Variants in SLC30A8 observed in about 807,000 individuals in gnomAD.
The protein encoded by SLC30A8 is solute carrier family 30 member 8, also known as proton-coupled zinc antiporter SLC30A8.
SLC30A8 carries 27 observed loss-of-function variants against 36.9 expected under a neutral mutation model. That is an observed-to-expected ratio of 0.73 (90% CI 0.54 to 1.01). The LOEUF (loss-of-function observed/expected upper bound fraction) is 1.01. SLC30A8 is among the 50% of genes least tolerant of loss of function. The probability of loss-of-function intolerance (pLI) is 0.00; values close to 1 mark genes in which losing one functional copy is unlikely to be tolerated. For synonymous variants in SLC30A8, 164 were observed against 172.4 expected, an observed-to-expected ratio of 0.95 and a Z score of 0.38; for missense variants, 439 against 452.0, an observed-to-expected ratio of 0.97 and a Z score of 0.26.
At chr8:117,086,408 A>G (rs2079462828) in intron 2 of SLC30A8, among the ~76,000 whole-genome samples, 1 of 152,190 alleles carries the variant, frequency 6.6e-6, no homozygotes, top group African/African-American at 2.4e-5. Context: ...AGCATGCTTA[A>G]TTTGACTTCC....
At chr8:117,156,968 G>A (rs970091322) in intron 3 of SLC30A8, among the ~76,000 whole-genome samples, 16 of 152,152 alleles carry the variant, frequency 1.1e-4, no homozygotes, top group Non-Finnish European at 2.2e-4. Flanking sequence ...ACCTTTCTGG[G>A]TTTTTAGAAT....
chr8:117,035,876 C>T (rs1375292578), intron 1 of SLC30A8, among the ~76,000 whole-genome samples: 1 of 152,206 alleles, frequency 6.6e-6, no homozygotes, highest in Non-Finnish European at 1.5e-5. Flanking sequence ...CCTTTAGCCA[C>T]AGCTGGAGCT....
chr8:117,130,043 C>G (rs1444925641), upstream of SLC30A8: 1 of 151,890 alleles, frequency 6.6e-6, no homozygotes, highest in Non-Finnish European at 1.5e-5. Context: ...ATTAAAATAA[C>G]TCATCTCCTG....
intron 2 of SLC30A8, among the ~76,000 whole-genome samples, chr8:117,151,490 G>GGATGGCTCTTATAAGTAGCTCT: frequency 6.6e-6 from 1 of 152,198 alleles, no homozygotes; most frequent in East Asian, 1.9e-4. Flanking sequence ...GCAGTTTTCT[G>GGATGGCTCTTATAAGTAGCTCT]GATGGCTCTT....
At chr8:117,085,430 G>A (rs1381186563) in intron 2 of SLC30A8, among the ~76,000 whole-genome samples, 1 of 152,068 alleles carries the variant, frequency 6.6e-6, no homozygotes, top group African/African-American at 2.4e-5. Flanking sequence ...CATTGTTGAT[G>A]TCTACACTAA....
At chr8:116,986,270 T>C (rs1426559565) in intron 1 of SLC30A8, among the ~76,000 whole-genome samples, 1 of 152,012 alleles carries the variant, frequency 6.6e-6, no homozygotes, top group Non-Finnish European at 1.5e-5. Context: ...GGCATTGGCC[T>C]GAGCACTGGG....
At chr8:117,106,006 C>CT (rs975195602) in intron 2 of SLC30A8, among the ~76,000 whole-genome samples, 1 of 151,976 alleles carries the variant, frequency 6.6e-6, no homozygotes, top group Middle Eastern at 3.2e-3. Context: ...CTTTGTCAGA[C>CT]TTTTTTTTCA....
At chr8:117,015,543 C>T (rs1267554538) in intron 1 of SLC30A8, among the ~76,000 whole-genome samples, 2 of 151,892 alleles carry the variant, frequency 1.3e-5, no homozygotes, top group Non-Finnish European at 2.9e-5. Flanking sequence ...TGCACCCCCC[C>T]CCCCCAAAAA....
chr8:117,088,660 C>T (rs1158436841), intron 2 of SLC30A8, among the ~76,000 whole-genome samples: 1 of 152,170 alleles, frequency 6.6e-6, no homozygotes. Flanking sequence ...CCTGAAAAGA[C>T]AATTAAAAAA....
chr8:117,047,185 G>A (rs150181412), intron 2 of SLC30A8, among the ~76,000 whole-genome samples: 50 of 152,286 alleles, frequency 3.3e-4, no homozygotes, highest in African/African-American at 1.1e-3. Context: ...GATGGGTAAT[G>A]TAGTCATGTC....
intron 2 of SLC30A8, among the ~76,000 whole-genome samples, chr8:117,113,805 G>A (rs76727531): frequency 0.027 from 4,172 of 152,152 alleles, 127 homozygotes; most frequent in African/African-American, 0.068. Context: ...CTTGGTTCCC[G>A]CCCTCAAGTG....
chr8:116,997,774 C>T (rs917993709), intron 1 of SLC30A8, among the ~76,000 whole-genome samples: 2 of 152,160 alleles, frequency 1.3e-5, no homozygotes, highest in African/African-American at 4.8e-5. Context: ...ATTGGAGTTG[C>T]TCCAGTCGTT....
chr8:116,965,301 C>T (rs1051518199), intron 1 of SLC30A8, among the ~76,000 whole-genome samples: 2 of 152,112 alleles, frequency 1.3e-5, no homozygotes, highest in African/African-American at 2.4e-5. Context: ...AAGTAATCAG[C>T]AAAGCTAAAA....
intron 1 of SLC30A8, among the ~76,000 whole-genome samples, chr8:117,015,199 A>G (rs1460009828): frequency 6.6e-6 from 1 of 151,956 alleles, no homozygotes; most frequent in African/African-American, 2.4e-5. Flanking sequence ...GTTCCCCGCT[A>G]TCTGACTTTC....
intron 1 of SLC30A8, among the ~76,000 whole-genome samples, chr8:116,976,234 TTC>T (rs375121122): frequency 0.083 from 12,358 of 148,702 alleles, 617 homozygotes; most frequent in South Asian, 0.18. Flanking sequence ...AGCTGGTAAG[TTC>T]TCTCTCTTTT....
chr8:117,098,976 T>C (rs1819591608), intron 2 of SLC30A8, among the ~76,000 whole-genome samples: 1 of 152,086 alleles, frequency 6.6e-6, no homozygotes. Flanking sequence ...AGAGGTTTAG[T>C]GGAAAATGAT....
intron 3 of SLC30A8, among the ~76,000 whole-genome samples, chr8:117,155,578 A>C (rs1294870826): frequency 6.6e-6 from 1 of 152,224 alleles, no homozygotes; most frequent in Non-Finnish European, 1.5e-5. Flanking sequence ...TGGGGGGTAC[A>C]TTATTAATTT....
chr8:117,118,721 T>C (rs1429951244), intron 2 of SLC30A8, among the ~76,000 whole-genome samples: 2 of 151,880 alleles, frequency 1.3e-5, no homozygotes, highest in African/African-American at 4.8e-5. Context: ...TCTAAACACA[T>C]CTAGTTCCTT....
intron 7 of SLC30A8, among the ~76,000 whole-genome samples, chr8:117,171,783 G>A (rs779671849): frequency 1.3e-5 from 2 of 152,086 alleles, no homozygotes; most frequent in Non-Finnish European, 2.9e-5. Flanking sequence ...CAGTGGGAGG[G>A]CATTTACTGC....
Sources: gnomAD v4.1 joint callset for allele counts (sites outside exome capture counted in the v4.1 genomes callset) on GRCh38, gnomAD v4.1.1 for gene constraint, MANE v1.5 for transcripts, NCBI Gene and HGNC (gene_info 2026-07-23, HGNC 2026-07-21) for gene names.